Variants in PPP1R9A observed in about 807,000 individuals in gnomAD.
PPP1R9A encodes the protein neurabin-1.
In PPP1R9A, 59 loss-of-function variants were observed where a neutral mutation model predicts 141.9. The ratio of observed to expected loss-of-function variants is 0.42; its 90% confidence interval spans 0.34 to 0.52. The LOEUF is 0.52. PPP1R9A is among the 20% of genes least tolerant of loss of function. PPP1R9A has a pLI of 0.10. For missense variants in PPP1R9A, 1,444 were observed against 1,611.9 expected (o/e 0.90, Z 1.78); for synonymous variants, 500 against 569.7 (o/e 0.88, Z 1.74).
At chr7:95,040,881 C>A (rs1809136493) in intron 2 of PPP1R9A, among the ~76,000 whole-genome samples, 1 of 152,132 alleles carries the variant, frequency 6.6e-6, no homozygotes, top group Non-Finnish European at 1.5e-5. Flanking sequence ...CCTCTCTCTC[C>A]CTGCTGAAAA....
At chr7:95,134,083 A>G (rs1233470802) in intron 4 of PPP1R9A, among the ~76,000 whole-genome samples, 2 of 152,156 alleles carry the variant, frequency 1.3e-5, no homozygotes, top group African/African-American at 4.8e-5. Flanking sequence ...CCCATCAACG[A>G]TAGACTGGAT....
rs1373188781 is a variant in PPP1R9A at position 95,226,061 on chromosome 7, A to G, written c.2057A>G (p.Asp686Gly). The change falls in exon 8 of 20, where the codon GAC (aspartate) becomes GGC (glycine). Residue 686 changes from aspartate to glycine, a missense_variant. Physicochemically the swap from Asp to Gly is moderately conservative, Grantham distance 94 (BLOSUM62 -1). Coordinates refer to ENST00000433360, the MANE Select transcript of PPP1R9A (RefSeq NM_001166160.2). ...GTCTTTGAGCTGCCTGAGAATGAGG[A>G]CATGTTTTCCCCATCAGAACTGGAC... ...IEVFELPENE[D>G]MFSPSELDTS... 7.4e-6 allele frequency: 12 copies of G among 1,613,552 alleles called. No homozygotes were observed. The Admixed American group carries it at 1.7e-4, about 22-fold the overall frequency.
At chr7:95,010,082 C>A (rs908798534) in intron 2 of PPP1R9A, among the ~76,000 whole-genome samples, 5 of 152,102 alleles carry the variant, frequency 3.3e-5, no homozygotes, top group African/African-American at 1.2e-4. Flanking sequence ...TATCAAAGAG[C>A]ATTTGCCTAT....
chr7:95,091,343 T>C (rs1352033820), intron 2 of PPP1R9A, among the ~76,000 whole-genome samples: 3 of 136,910 alleles, frequency 2.2e-5, no homozygotes, highest in African/African-American at 8.2e-5. Flanking sequence ...AACTCTTTTT[T>C]TTTTTTTTTT....
chr7:95,161,551 T>C (rs1830465670), intron 4 of PPP1R9A, among the ~76,000 whole-genome samples: 1 of 152,184 alleles, frequency 6.6e-6, no homozygotes, highest in South Asian at 2.1e-4. Flanking sequence ...TTTCAAATAG[T>C]TTAAATCGTC....
intron 16 of PPP1R9A, among the ~76,000 whole-genome samples, chr7:95,282,344 A>G (rs1354725246): frequency 2.6e-5 from 4 of 152,064 alleles, no homozygotes. Flanking sequence ...AAAAAAGAAA[A>G]CAGAAGTTGA....
intron 2 of PPP1R9A, among the ~76,000 whole-genome samples, chr7:94,959,171 G>A (rs547104281): frequency 6.6e-6 from 1 of 151,896 alleles, no homozygotes; most frequent in Non-Finnish European, 1.5e-5. Flanking sequence ...TAGTTACTCG[G>A]TATTTAATAA....
intron 2 of PPP1R9A, among the ~76,000 whole-genome samples, chr7:94,986,270 A>G (rs1800821920): frequency 6.6e-6 from 1 of 152,134 alleles, no homozygotes; most frequent in South Asian, 2.1e-4. Flanking sequence ...ATGCTCTCTT[A>G]TAATAAAATT....
chr7:95,239,438 G>C (rs1797143045), intron 8 of PPP1R9A, among the ~76,000 whole-genome samples: 1 of 152,100 alleles, frequency 6.6e-6, no homozygotes, highest in East Asian at 1.9e-4. Context: ...AATCACCTGT[G>C]GTTCCAGCTA....
intron 12 of PPP1R9A, among the ~76,000 whole-genome samples, chr7:95,266,517 A>T (rs770426089): frequency 1.3e-3 from 195 of 152,124 alleles, no homozygotes; most frequent in Non-Finnish European, 2.5e-3. Flanking sequence ...ATCATAGTGG[A>T]TAGCCTAGTA....
chr7:95,220,901 G>A (rs529634061), intron 7 of PPP1R9A, among the ~76,000 whole-genome samples: 19 of 151,994 alleles, frequency 1.3e-4, no homozygotes, highest in Non-Finnish European at 2.8e-4. Context: ...TAAATGAGGA[G>A]GACAGAGGCA....
intron 5 of PPP1R9A, among the ~76,000 whole-genome samples, chr7:95,188,316 C>T (rs954284728): frequency 6.6e-6 from 1 of 152,000 alleles, no homozygotes; most frequent in Non-Finnish European, 1.5e-5. Context: ...GATTGCTTTT[C>T]GTTTCCATTT....
At chr7:95,232,770 G>T (rs1796155446) in intron 8 of PPP1R9A, among the ~76,000 whole-genome samples, 1 of 152,168 alleles carries the variant, frequency 6.6e-6, no homozygotes, top group Non-Finnish European at 1.5e-5. Flanking sequence ...ATGAAAAAAA[G>T]CTTATCATCA....
rs575771438 is a variant in PPP1R9A at position 94,933,428 on chromosome 7, G to T, written c.1395+21920G>T. 2.0e-5 allele frequency among the ~76,000 whole-genome samples: 3 copies of T among 152,258 alleles called. No individual in the cohort carries two copies. The South Asian group carries it at 6.2e-4, about 32-fold the overall frequency. On this transcript the variant is annotated intron_variant, in intron 2 of 19. Coordinates refer to ENST00000433360, the MANE Select transcript of PPP1R9A (RefSeq NM_001166160.2). Reference sequence around the variant, plus strand: ...CTGAATTTAGGTAGACAGGCAGAGAGATCAGAATAGAATGTGAAGTGGGAG... The same window carrying T: ...CTGAATTTAGGTAGACAGGCAGAGATATCAGAATAGAATGTGAAGTGGGAG...
chr7:95,103,805 C>G (rs867239662), intron 2 of PPP1R9A, among the ~76,000 whole-genome samples: 1 of 152,072 alleles, frequency 6.6e-6, no homozygotes, highest in Non-Finnish European at 1.5e-5. Context: ...TATGAAAAAC[C>G]GTGGGAACTC....
intron 4 of PPP1R9A, among the ~76,000 whole-genome samples, chr7:95,157,505 C>T (rs912965079): frequency 3.3e-5 from 5 of 152,166 alleles, no homozygotes; most frequent in Non-Finnish European, 7.3e-5. Flanking sequence ...CACCCCACCT[C>T]AGAAGGAGAA....
At chr7:95,062,348 A>C (rs1812348665) in intron 2 of PPP1R9A, among the ~76,000 whole-genome samples, 1 of 152,082 alleles carries the variant, frequency 6.6e-6, no homozygotes, top group Non-Finnish European at 1.5e-5. Context: ...GTGAAAGAGA[A>C]CCCAAAATGT....
At position 95,237,082 on chromosome 7, in the gene PPP1R9A, AAC is replaced by A. The variant is rs1455941922; in HGVS notation, c.2113-10389_2113-10388del. ...TTTTATATTAATAGCTTGATACATA[AAC>A]AGTTTTTATTTAATAATCCTCATTT... On this transcript the variant is annotated intron_variant, in intron 8 of 19. Coordinates refer to ENST00000433360, the MANE Select transcript of PPP1R9A (RefSeq NM_001166160.2). Among the ~76,000 whole-genome samples the A allele has an allele frequency of 2.0e-5, 3 of 151,232 alleles. No homozygotes were observed. In the East Asian group the frequency reaches 5.8e-4, roughly 29 times the overall value.
rs1025086009 is a variant in PPP1R9A at position 95,216,676 on chromosome 7, C to T, written c.1957-9285C>T. Among the ~76,000 whole-genome samples, 6 of 152,204 alleles carry T rather than the reference C, an allele frequency of 3.9e-5. 1 individual carries two copies. The South Asian group carries it at 1.2e-3, about 32-fold the overall frequency. On this transcript the variant is annotated intron_variant, in intron 7 of 19. Coordinates refer to ENST00000433360, the MANE Select transcript of PPP1R9A (RefSeq NM_001166160.2). ...GTTTGTAGTTCTCCTTGGGGAGGTC[C>T]TTCACATCCCTTGTAAGTTGGGATT...
Sources: gnomAD v4.1 joint callset for allele counts (sites outside exome capture counted in the v4.1 genomes callset) on GRCh38, gnomAD v4.1.1 for gene constraint, MANE v1.5 for transcripts, NCBI Gene and HGNC (gene_info 2026-07-23, HGNC 2026-07-21) for gene names.